The following TNFSF4 variants were observed in gnomAD, a reference collection of about 807,000 sequenced individuals.
TNFSF4 encodes tumor necrosis factor ligand superfamily member 4.
TNFSF4 carries 4 observed loss-of-function variants against 7.3 expected under a neutral mutation model. The observed-to-expected ratio is 0.55, with a 90% CI of 0.27 to 1.25. The LOEUF (loss-of-function observed/expected upper bound fraction) is 1.25. Ranked by LOEUF, TNFSF4 falls within the 50% of genes most tolerant of loss-of-function variation. TNFSF4 has a pLI of 0.12. For synonymous variants in TNFSF4, 76 were observed against 83.7 expected (o/e 0.91, Z 0.50); for missense variants, 181 against 208.8 (o/e 0.87, Z 0.82).
At chr1:173,332,244 C>T in the TNFSF4 span, among the ~76,000 whole-genome samples, 1 of 152,196 alleles carries the variant, frequency 6.6e-6, no homozygotes, top group Non-Finnish European at 1.5e-5. Context: ...GCAAAGTAGT[C>T]CTTCCCTTTC....
At chr1:173,244,649 A>AG in the TNFSF4 span, among the ~76,000 whole-genome samples, 1 of 127,394 alleles carries the variant, frequency 7.8e-6, no homozygotes, top group African/African-American at 3.2e-5. Context: ...CTCAAAAAAA[A>AG]ACAAAAAACA....
the TNFSF4 span, chr1:173,418,523 T>G: frequency 6.6e-6 from 1 of 152,110 alleles, no homozygotes; most frequent in Non-Finnish European, 1.5e-5. Flanking sequence ...GGCTCTTTCA[T>G]TAGTCATTTC....
chr1:173,345,982 G>C, the TNFSF4 span, among the ~76,000 whole-genome samples: 1 of 152,142 alleles, frequency 6.6e-6, no homozygotes, highest in African/African-American at 2.4e-5. Flanking sequence ...CTGAGGGCAG[G>C]GCCAGGGACT....
At chr1:173,219,528 G>A in the TNFSF4 span, among the ~76,000 whole-genome samples, 1 of 151,882 alleles carries the variant, frequency 6.6e-6, no homozygotes, top group South Asian at 2.1e-4. Flanking sequence ...CTCACTACTG[G>A]GTATCTCCCC....
At chr1:173,220,543 C>A in the TNFSF4 span, among the ~76,000 whole-genome samples, 1 of 152,110 alleles carries the variant, frequency 6.6e-6, no homozygotes, top group African/African-American at 2.4e-5. Flanking sequence ...TCCAAAAATT[C>A]ATATGTGGAA....
chr1:173,284,054 CA>C, the TNFSF4 span, among the ~76,000 whole-genome samples: 1 of 151,884 alleles, frequency 6.6e-6, no homozygotes, highest in Non-Finnish European at 1.5e-5. Flanking sequence ...CTGGAAAGAT[CA>C]AACCAGCCAC....
intron 1 of TNFSF4, among the ~76,000 whole-genome samples, chr1:173,194,928 T>C (rs1649637095): frequency 6.7e-6 from 1 of 149,248 alleles, no homozygotes; most frequent in Non-Finnish European, 1.5e-5. Flanking sequence ...CCTTATTGAG[T>C]ACTTACAATA....
chr1:173,370,704 C>T, the TNFSF4 span, among the ~76,000 whole-genome samples: 14,842 of 152,048 alleles, frequency 0.098, 850 homozygotes, highest in East Asian at 0.27. Flanking sequence ...AATCTGGAGG[C>T]GTTATTAAAC....
At chr1:173,259,434 TCTC>T in the TNFSF4 span, among the ~76,000 whole-genome samples, 2 of 152,246 alleles carry the variant, frequency 1.3e-5, no homozygotes, top group African/African-American at 2.4e-5. Flanking sequence ...GAGTGCCTCT[TCTC>T]CTCCAAATGA....
chr1:173,433,645 G>C, the TNFSF4 span, among the ~76,000 whole-genome samples: 1 of 152,144 alleles, frequency 6.6e-6, no homozygotes, highest in Non-Finnish European at 1.5e-5. Flanking sequence ...CAAGGCTGCA[G>C]TGAGCTATGA....
At chr1:173,387,368 A>T in the TNFSF4 span, among the ~76,000 whole-genome samples, 1 of 152,180 alleles carries the variant, frequency 6.6e-6, no homozygotes, top group East Asian at 1.9e-4. Context: ...TTTCCCCCAC[A>T]TGAGGACACA....
rs569064745 is a variant in TNFSF4, at chr1:173,185,959, C to T, written c.*557G>A. On this transcript the variant is annotated 3_prime_UTR_variant, in exon 3 of 3. Coordinates refer to ENST00000281834, the MANE Select transcript of TNFSF4 (RefSeq NM_003326.5). ...TCACAAGCTGATTCTTCTTTTGAACCCCCACCAAATGAGAAAGTTTAAATT... is the reference window on the plus strand; with the variant it reads ...TCACAAGCTGATTCTTCTTTTGAACTCCCACCAAATGAGAAAGTTTAAATT... 6.6e-6 allele frequency: 1 copy of T among 152,342 alleles called. No homozygotes were observed. The highest frequency in any genetic ancestry group is 2.4e-5 in the African/African-American group (1 of 41,540). 9.4% of individuals were successfully genotyped at this position (152,342 alleles called of 1,614,324 possible).
chr1:173,197,816 A>G (rs925151724), intron 1 of TNFSF4, among the ~76,000 whole-genome samples: 1 of 152,198 alleles, frequency 6.6e-6, no homozygotes, highest in Non-Finnish European at 1.5e-5. Context: ...CATCCTGCAC[A>G]TGTACCCTGG....
At chr1:173,307,568 G>C in the TNFSF4 span, among the ~76,000 whole-genome samples, 1 of 151,858 alleles carries the variant, frequency 6.6e-6, no homozygotes, top group Non-Finnish European at 1.5e-5. Context: ...CTCTATATCA[G>C]ATAATAGTGG....
intron 1 of TNFSF4, among the ~76,000 whole-genome samples, chr1:173,202,722 T>A (rs1649998031): frequency 6.6e-6 from 1 of 152,200 alleles, no homozygotes; most frequent in South Asian, 2.1e-4. Flanking sequence ...AGATCCTTTG[T>A]GAACTGCTCC....
chr1:173,387,054 A>G, the TNFSF4 span, among the ~76,000 whole-genome samples: 1 of 152,180 alleles, frequency 6.6e-6, no homozygotes, highest in Non-Finnish European at 1.5e-5. Flanking sequence ...TTTGATATTG[A>G]TGATACTTAG....
chr1:173,345,781 A>G, the TNFSF4 span, among the ~76,000 whole-genome samples: 1 of 152,256 alleles, frequency 6.6e-6, no homozygotes, highest in Non-Finnish European at 1.5e-5. Context: ...TCAGTCATCA[A>G]CAGAGAGAGA....
the TNFSF4 span, among the ~76,000 whole-genome samples, chr1:173,321,628 G>GA: frequency 6.1e-3 from 905 of 147,236 alleles, 5 homozygotes; most frequent in Middle Eastern, 0.01. Flanking sequence ...AAATTTACAA[G>GA]AAAAAAAAAA....
chr1:173,265,727 C>T, the TNFSF4 span, among the ~76,000 whole-genome samples: 1 of 152,136 alleles, frequency 6.6e-6, no homozygotes, highest in Non-Finnish European at 1.5e-5. Flanking sequence ...CTCCCTTCTG[C>T]ATCTCTATTC....
Sources: gnomAD v4.1 joint callset for allele counts (sites outside exome capture counted in the v4.1 genomes callset) on GRCh38, gnomAD v4.1.1 for gene constraint, MANE v1.5 for transcripts, NCBI Gene and HGNC (gene_info 2026-07-23, HGNC 2026-07-21) for gene names.